AGPAT4: variants seen among roughly 807,000 people sequenced by gnomAD.
AGPAT4 encodes the protein 1-acylglycerol-3-phosphate O-acyltransferase 4, also known as 1-acyl-sn-glycerol-3-phosphate acyltransferase delta.
Under a neutral mutation model 48.0 loss-of-function variants are expected in AGPAT4, and 15 were observed. That is an observed-to-expected ratio of 0.31 (90% CI 0.21 to 0.48). The LOEUF (loss-of-function observed/expected upper bound fraction) is 0.48. AGPAT4 is among the 20% of genes least tolerant of loss of function. The pLI, the probability that AGPAT4 is intolerant of heterozygous loss-of-function variation, is 0.99. For missense variants in AGPAT4, 314 were observed against 482.5 expected, an observed-to-expected ratio of 0.65 and a Z score of 3.27; for synonymous variants, 178 against 198.7, an observed-to-expected ratio of 0.90 and a Z score of 0.88.
chr6:161,227,447 C>G (rs570011737), intron 2 of AGPAT4, among the ~76,000 whole-genome samples: 1 of 152,332 alleles, frequency 6.6e-6, no homozygotes, highest in Non-Finnish European at 1.5e-5. Context: ...TATCTGCTTC[C>G]TCTCGGGAAA....
chr6:161,142,885 A>T lies in AGPAT4; in HGVS notation c.844-3265T>A, dbSNP rs1259361994. Among the ~76,000 whole-genome samples the T allele has an allele frequency of 6.6e-6, 1 of 152,158 alleles. No homozygotes were observed. Among genetic ancestry groups the T allele is most frequent in the Non-Finnish European group, 1.5e-5 (1 of 68,020 alleles). On this transcript the variant is annotated intron_variant, in intron 7 of 8. Transcript: ENST00000320285. The surrounding 1 kb of genome is among the most constrained non-coding windows in gnomAD (Gnocchi z 6.4). ...GAGGCTCCCTGCTGCCCTTCTAAGGAGCAATGCCCTTATGGTTTAAGTGAA... is the reference window on the plus strand; with the variant it reads ...GAGGCTCCCTGCTGCCCTTCTAAGGTGCAATGCCCTTATGGTTTAAGTGAA...
chr6:161,203,381 C>CTT (rs10585542), intron 2 of AGPAT4, among the ~76,000 whole-genome samples: 13,962 of 107,828 alleles, frequency 0.13, 921 homozygotes, highest in East Asian at 0.25. Context: ...CTTTTTCTTT[C>CTT]TTTTTTTTTT....
chr6:161,176,295 A>T (rs1583304025), intron 2 of AGPAT4, among the ~76,000 whole-genome samples: 3 of 152,182 alleles, frequency 2.0e-5, no homozygotes, highest in African/African-American at 7.2e-5. Flanking sequence ...GTCTCTAAGG[A>T]CTTGCTTTAT....
chr6:161,199,748 C>T (rs945574766), intron 2 of AGPAT4, among the ~76,000 whole-genome samples: 3 of 152,154 alleles, frequency 2.0e-5, no homozygotes, highest in Non-Finnish European at 4.4e-5. Context: ...TTACTCTCTC[C>T]TCCGGCCACG....
rs756580501 is a variant in AGPAT4, at chr6:161,165,626, G to T, written c.348+622C>A. ...TCAGCTATGTGACACAGGCTCAACCGCTACACGCTGCAGTGTGTTGAAGAC... is the reference window on the plus strand; with the variant it reads ...TCAGCTATGTGACACAGGCTCAACCTCTACACGCTGCAGTGTGTTGAAGAC... On this transcript the variant is annotated intron_variant, in intron 3 of 8. Coordinates refer to ENST00000320285, the MANE Select transcript of AGPAT4 (RefSeq NM_020133.3). The surrounding 1 kb of genome is among the most constrained non-coding windows in gnomAD (Gnocchi z 5.5). 10 of 1,302,614 alleles carry T rather than the reference G, an allele frequency of 7.7e-6. No individual in the cohort carries two copies. Among genetic ancestry groups the T allele is most frequent in the African/African-American group, 3.0e-5 (2 of 65,650 alleles). The allele number at this position is 1,302,614 out of a possible 1,614,324, so 80.7% of individuals were successfully genotyped here.
At position 161,154,072 on chromosome 6, in the gene AGPAT4, G is replaced by A. The variant is rs754102367; in HGVS notation, c.510+77C>T. 1.3e-6 allele frequency: 2 copies of A among 1,591,286 alleles called. No homozygotes were observed. The highest frequency in any genetic ancestry group is 2.2e-5 in the East Asian group (1 of 44,716). On this transcript the variant is annotated intron_variant, in intron 4 of 8. Coordinates refer to ENST00000320285, the MANE Select transcript of AGPAT4 (RefSeq NM_020133.3). This position sits in a 1 kb window ranked among gnomAD's most constrained non-coding sequence, Gnocchi z 7.8. The stretch of plus-strand genomic sequence containing the variant: ...ACAGGACCACACAGTCACGTGTCCT[G>A]TGGAAGTCACATGGGGGTCCCACGG...
At chr6:161,136,673 A>C in intron 8 of AGPAT4, 39 bp from the exon 9 acceptor site, 1 of 1,559,366 alleles carries the variant, frequency 6.4e-7, no homozygotes, top group Non-Finnish European at 8.8e-7. Flanking sequence ...AGTAGCCCAA[A>C]CAGACTACAG....
At chr6:161,181,578 T>C (rs919965680) in intron 2 of AGPAT4, among the ~76,000 whole-genome samples, 2 of 152,064 alleles carry the variant, frequency 1.3e-5, no homozygotes, top group African/African-American at 2.4e-5. Flanking sequence ...TGGTATTTTA[T>C]TTTTACTTTT....
rs9458143 is a variant in AGPAT4 at position 161,159,947 on chromosome 6, T to C, written c.349-5637A>G. On this transcript the variant is annotated intron_variant, in intron 3 of 8. Coordinates refer to ENST00000320285, the MANE Select transcript of AGPAT4 (RefSeq NM_020133.3). The surrounding 1 kb of genome is among the most constrained non-coding windows in gnomAD (Gnocchi z 4.1). ...CCAAACCTGGCTTTTCTTTTTTTTTTCTTTTTTTGAGATGGAGTCTTGCTC... is the reference window on the plus strand; with the variant it reads ...CCAAACCTGGCTTTTCTTTTTTTTTCCTTTTTTTGAGATGGAGTCTTGCTC... Among the ~76,000 whole-genome samples the C allele has an allele frequency of 7.0e-6, 1 of 143,466 alleles. No homozygotes were observed. Among genetic ancestry groups the C allele is most frequent in the African/African-American group, 2.7e-5 (1 of 36,808 alleles). 94.1% of individuals were successfully genotyped at this position (143,466 alleles called of 152,430 possible). A position where few individuals can be genotyped will look rare whatever the true frequency, so the allele number is the denominator to read the frequency against.
rs1783401753 is a variant in AGPAT4 at position 161,270,845 on chromosome 6, A to G, written c.-90+3093T>C. ...CCATCAGACCTCCTTTCCAGAATAAAGGAGACTGCACAAAACGTGTGACAT... is the reference window on the plus strand; with the variant it reads ...CCATCAGACCTCCTTTCCAGAATAAGGGAGACTGCACAAAACGTGTGACAT... On this transcript the variant is annotated intron_variant, in intron 1 of 8. Coordinates refer to ENST00000320285, the MANE Select transcript of AGPAT4 (RefSeq NM_020133.3). This position sits in a 1 kb window ranked among gnomAD's most constrained non-coding sequence, Gnocchi z 5.3. Among the ~76,000 whole-genome samples, 2 of 152,190 alleles carry G rather than the reference A, an allele frequency of 1.3e-5. No homozygotes were observed. The highest frequency in any genetic ancestry group is 6.5e-5 in the Admixed American group (1 of 15,278).
intron 1 of AGPAT4, among the ~76,000 whole-genome samples, chr6:161,260,131 A>T (rs1368177597): frequency 6.6e-6 from 1 of 152,114 alleles, no homozygotes. Context: ...AACTGCTAGG[A>T]AGACGGAGGG....
In AGPAT4 at chr6:161,158,419, C is replaced by T. The variant is rs1779822401; in HGVS notation, c.349-4109G>A. On this transcript the variant is annotated intron_variant, in intron 3 of 8. Coordinates refer to ENST00000320285, the MANE Select transcript of AGPAT4 (RefSeq NM_020133.3). The surrounding 1 kb of genome is among the most constrained non-coding windows in gnomAD (Gnocchi z 5.3). ...TTTACTGATGAGTTAGATGTATCAA[C>T]AGATCTGTCTAGATACAAGCATATT... 6.6e-6 allele frequency among the ~76,000 whole-genome samples: 1 copy of T among 152,208 alleles called. No homozygotes were observed. The highest frequency in any genetic ancestry group is 6.5e-5 in the Admixed American group (1 of 15,280).
chr6:161,268,685 T>C (rs1205215940), intron 1 of AGPAT4, among the ~76,000 whole-genome samples: 1 of 152,196 alleles, frequency 6.6e-6, no homozygotes, highest in East Asian at 1.9e-4. Flanking sequence ...CATCTGAGTT[T>C]AAAATAACCA....
Position 161,133,461 on chromosome 6 carries a change from A to G in AGPAT4, c.*3079T>C, listed in dbSNP as rs1778966770. On this transcript the variant is annotated 3_prime_UTR_variant, in exon 9 of 9. Coordinates refer to ENST00000320285, the MANE Select transcript of AGPAT4 (RefSeq NM_020133.3). The stretch of plus-strand genomic sequence containing the variant: ...GTTGGTTTTCTCTCTGTCAAAGTCA[A>G]TAGGGTGGTAGACTAACTCACAGAG... The G allele has an allele frequency of 6.6e-6, 1 of 152,224 alleles. No homozygotes were observed. Among genetic ancestry groups the G allele is most frequent in the Admixed American group, 6.5e-5 (1 of 15,292 alleles). The allele number at this position is 152,224 out of a possible 1,614,324, so 9.4% of individuals were successfully genotyped here.
At chr6:161,260,655 CAAAAAAAAAAA>C (rs377444402) in intron 1 of AGPAT4, among the ~76,000 whole-genome samples, 2 of 45,668 alleles carry the variant, frequency 4.4e-5, no homozygotes, top group Admixed American at 3.5e-4. Flanking sequence ...GACTACGTCT[CAAAAAAAAAAA>C]AAAAAAAAAA....
At chr6:161,269,330 G>C (rs1014599989) in intron 1 of AGPAT4, among the ~76,000 whole-genome samples, 1 of 152,122 alleles carries the variant, frequency 6.6e-6, no homozygotes, top group Non-Finnish European at 1.5e-5. Context: ...AGCATGGAAG[G>C]TACAAAAAAT....
At chr6:161,207,771 G>C (rs1781417152) in intron 2 of AGPAT4, among the ~76,000 whole-genome samples, 1 of 152,196 alleles carries the variant, frequency 6.6e-6, no homozygotes, top group Admixed American at 6.5e-5. Flanking sequence ...CAAGGAACAT[G>C]AATTCACTGA....
rs1268184952 is a variant in AGPAT4, at chr6:161,216,019, C to T, written c.178+16017G>A. On this transcript the variant is annotated intron_variant, in intron 2 of 8. Coordinates refer to ENST00000320285, the MANE Select transcript of AGPAT4 (RefSeq NM_020133.3). The surrounding 1 kb of genome is among the most constrained non-coding windows in gnomAD (Gnocchi z 4.8). ...GCTCACACATACTTGCCTCTCTTAACCGCACCATGTCCAGTTGACGAGGAT... is the reference window on the plus strand; with the variant it reads ...GCTCACACATACTTGCCTCTCTTAATCGCACCATGTCCAGTTGACGAGGAT... 6.6e-6 allele frequency among the ~76,000 whole-genome samples: 1 copy of T among 152,196 alleles called. No homozygotes were observed. Among genetic ancestry groups the T allele is most frequent in the Non-Finnish European group, 1.5e-5 (1 of 68,042 alleles).
intron 1 of AGPAT4, among the ~76,000 whole-genome samples, chr6:161,252,513 T>G (rs1782831035): frequency 1.3e-5 from 2 of 152,214 alleles, no homozygotes; most frequent in South Asian, 4.1e-4. Flanking sequence ...GCAATTTTGC[T>G]TCTTCTAGAA....
Sources: gnomAD v4.1 joint callset for allele counts (sites outside exome capture counted in the v4.1 genomes callset) on GRCh38, gnomAD v4.1.1 for gene constraint, Gnocchi (gnomAD v3.1) non-coding constraint, MANE v1.5 for transcripts, NCBI Gene and HGNC (gene_info 2026-07-23, HGNC 2026-07-21) for gene names.